CTNND2: variants seen among roughly 807,000 people sequenced by gnomAD.
The protein encoded by CTNND2 is catenin delta-2.
A neutral mutation model predicts 144.4 loss-of-function variants in CTNND2; 22 were observed. The observed-to-expected ratio is 0.15, with a 90% confidence interval of 0.11 to 0.22. The LOEUF (loss-of-function observed/expected upper bound fraction) is 0.22. CTNND2 is among the 10% of genes least tolerant of loss of function. The pLI is 1.00. For missense variants in CTNND2, 1,353 were observed against 1,618.8 expected (o/e 0.84, Z 2.82); for synonymous variants, 751 against 695.6 (o/e 1.08, Z -1.25).
intron 9 of CTNND2, among the ~76,000 whole-genome samples, chr5:11,338,761 T>C (rs26011): frequency 0.32 from 48,586 of 152,046 alleles, 8,187 homozygotes; most frequent in Admixed American, 0.48. Flanking sequence ...ATCAATATTA[T>C]CACAGACAAA....
intron 12 of CTNND2, among the ~76,000 whole-genome samples, chr5:11,150,822 C>CCTG (rs1757697257): frequency 1.3e-5 from 2 of 152,048 alleles, no homozygotes; most frequent in Admixed American, 1.3e-4. Context: ...GATGGGGTTT[C>CCTG]ACCATGTTGG....
At chr5:11,270,581 T>C (rs1745898691) in intron 9 of CTNND2, among the ~76,000 whole-genome samples, 1 of 151,952 alleles carries the variant, frequency 6.6e-6, no homozygotes, top group Admixed American at 6.6e-5. Flanking sequence ...AGGGAGACAA[T>C]AGATTATGAA....
intron 2 of CTNND2, among the ~76,000 whole-genome samples, chr5:11,697,127 T>C (rs1347839615): frequency 1.3e-5 from 2 of 152,216 alleles, no homozygotes; most frequent in Non-Finnish European, 2.9e-5. Flanking sequence ...TGATTAAAAA[T>C]AGTGCCAGAA....
chr5:11,501,925 G>T (rs1165535928), intron 3 of CTNND2, among the ~76,000 whole-genome samples: 1 of 151,668 alleles, frequency 6.6e-6, no homozygotes, highest in Non-Finnish European at 1.5e-5. Context: ...CTACTCGGGA[G>T]GCTGGGGCAG....
chr5:11,146,993 T>C (rs1757302216), intron 12 of CTNND2, among the ~76,000 whole-genome samples: 1 of 152,172 alleles, frequency 6.6e-6, no homozygotes, highest in Non-Finnish European at 1.5e-5. Context: ...TGCTGATTAG[T>C]ACAGGACAGT....
intron 21 of CTNND2, among the ~76,000 whole-genome samples, chr5:10,976,525 T>C (rs1561106769): frequency 6.6e-6 from 1 of 152,244 alleles, no homozygotes; most frequent in Non-Finnish European, 1.5e-5. Flanking sequence ...CTTCTTTGCC[T>C]TAACGCTGCA....
At chr5:11,813,731 C>T (rs538951996) in intron 1 of CTNND2, among the ~76,000 whole-genome samples, 52 of 152,212 alleles carry the variant, frequency 3.4e-4, no homozygotes, top group African/African-American at 1.2e-3. Context: ...CTAGGCTGGG[C>T]GCAAACTCCT....
At chr5:11,249,856 A>T (rs1245103616) in intron 9 of CTNND2, among the ~76,000 whole-genome samples, 1 of 152,092 alleles carries the variant, frequency 6.6e-6, no homozygotes, top group Non-Finnish European at 1.5e-5. Flanking sequence ...ATGTCAAAAA[A>T]AAAAACCAAA....
At chr5:11,880,839 T>A (rs528729882) in intron 1 of CTNND2, among the ~76,000 whole-genome samples, 2 of 124,880 alleles carry the variant, frequency 1.6e-5, no homozygotes, top group East Asian at 2.3e-4. Flanking sequence ...CTACTACCAC[T>A]ACTACTACCA....
intron 2 of CTNND2, among the ~76,000 whole-genome samples, chr5:11,567,408 C>T (rs1241168716): frequency 5.9e-5 from 9 of 152,050 alleles, no homozygotes; most frequent in Admixed American, 5.9e-4. Context: ...ACATTTTAGG[C>T]CATTATTTCT....
At chr5:11,053,024 A>T (rs1290658933) in intron 16 of CTNND2, among the ~76,000 whole-genome samples, 1 of 152,200 alleles carries the variant, frequency 6.6e-6, no homozygotes, top group Non-Finnish European at 1.5e-5. Context: ...AGTCTCTTAA[A>T]GATATGACTT....
At chr5:11,393,147 C>T (rs1759779669) in intron 6 of CTNND2, among the ~76,000 whole-genome samples, 1 of 152,134 alleles carries the variant, frequency 6.6e-6, no homozygotes, top group African/African-American at 2.4e-5. Context: ...TAGAAGTCAG[C>T]ACAACATTAA....
At chr5:11,436,552 C>T (rs1050760946) in intron 3 of CTNND2, among the ~76,000 whole-genome samples, 3 of 152,214 alleles carry the variant, frequency 2.0e-5, no homozygotes, top group Non-Finnish European at 1.5e-5. Context: ...TCGAGAATTC[C>T]GCAAACTGCC....
At chr5:11,443,379 A>C (rs115535184) in intron 3 of CTNND2, among the ~76,000 whole-genome samples, 7,285 of 29,778 alleles carry the variant, frequency 0.24, 1,368 homozygotes, top group African/African-American at 0.56. Flanking sequence ...GTGTGGCATG[A>C]GTGGGGGGTG....
intron 3 of CTNND2, among the ~76,000 whole-genome samples, chr5:11,504,218 T>C (rs1770792814): frequency 6.6e-6 from 1 of 152,162 alleles, no homozygotes; most frequent in South Asian, 2.1e-4. Flanking sequence ...GGGGACCAAA[T>C]CTACTCCTTG....
chr5:11,015,657 C>G (rs557109162), intron 18 of CTNND2, among the ~76,000 whole-genome samples: 1 of 152,204 alleles, frequency 6.6e-6, no homozygotes, highest in Non-Finnish European at 1.5e-5. Context: ...AAAGCTGCTT[C>G]CCTTCAATGC....
chr5:11,039,244 G>T (rs1352929902), intron 16 of CTNND2, among the ~76,000 whole-genome samples: 1 of 152,224 alleles, frequency 6.6e-6, no homozygotes, highest in East Asian at 1.9e-4. Flanking sequence ...TACCTTGTGA[G>T]AAAACTGCTG....
intron 2 of CTNND2, among the ~76,000 whole-genome samples, chr5:11,718,956 G>C (rs937493705): frequency 6.6e-6 from 1 of 152,184 alleles, no homozygotes; most frequent in Non-Finnish European, 1.5e-5. Context: ...AGATGGCAAA[G>C]AGTAATTCAT....
In CTNND2 at chr5:11,229,840, T is replaced by C. The variant is rs919708372; in HGVS notation, c.1761+6851A>G. Reference sequence around the variant, plus strand: ...ATATACATATATATACTCCTCTTTTTGTATAACTGTCTGTATATGAAAGGG... The same window carrying C: ...ATATACATATATATACTCCTCTTTTCGTATAACTGTCTGTATATGAAAGGG... On this transcript the variant is annotated intron_variant, in intron 10 of 21. Transcript: ENST00000304623. 5.9e-5 allele frequency among the ~76,000 whole-genome samples: 9 copies of C among 152,010 alleles called. No homozygotes were observed. The South Asian group carries it at 1.9e-3, about 32-fold the overall frequency.
Sources: gnomAD v4.1 joint callset for allele counts (sites outside exome capture counted in the v4.1 genomes callset) on GRCh38, gnomAD v4.1.1 for gene constraint, MANE v1.5 for transcripts, NCBI Gene and HGNC (gene_info 2026-07-23, HGNC 2026-07-21) for gene names.